Variants in PLAGL1 observed in about 807,000 individuals in gnomAD.
PLAGL1 encodes PLAG1 like zinc finger 1, also known as zinc finger protein PLAGL1.
In PLAGL1, 1 loss-of-function variant was observed where a neutral mutation model predicts 4.6. The observed-to-expected ratio is 0.22, with a 90% CI of 0.08 to 1.03. The LOEUF is 1.03. PLAGL1 is among the 50% of genes least tolerant of loss of function. PLAGL1 has a pLI of 0.58. For synonymous variants in PLAGL1, 240 were observed against 237.8 expected, an observed-to-expected ratio of 1.01 and a Z score of -0.08; for missense variants, 464 against 570.4, an observed-to-expected ratio of 0.81 and a Z score of 1.90.
In PLAGL1 at chr6:143,964,625, C is replaced by T. The variant is rs1784049945; in HGVS notation, c.-399+162G>A. 1.3e-5 allele frequency among the ~76,000 whole-genome samples: 2 copies of T among 151,492 alleles called. No homozygotes were observed. Among genetic ancestry groups the T allele is most frequent in the Admixed American group, 1.3e-4 (2 of 15,210 alleles). ...GAGCCAATCTAGTTTTCAAAAAAGG[C>T]CACCGCTTCGTTAGAGAGAGGACCA... On this transcript the variant is annotated intron_variant, in intron 5 of 7. Coordinates refer to ENST00000674357, the MANE Select transcript of PLAGL1 (RefSeq NM_001317162.2). This position sits in a 1 kb window ranked among gnomAD's most constrained non-coding sequence, Gnocchi z 4.3.
At chr6:144,046,826 C>T (rs1346806950) in intron 1 of PLAGL1, among the ~76,000 whole-genome samples, 1 of 152,216 alleles carries the variant, frequency 6.6e-6, no homozygotes, top group Non-Finnish European at 1.5e-5. Flanking sequence ...GCAGGCAGGC[C>T]TCATTGAGCT....
In PLAGL1 at chr6:144,000,765, G is replaced by GA. The variant is rs1792679772; in HGVS notation, c.-584+7324dup. On this transcript the variant is annotated intron_variant, in intron 1 of 7. Transcript: ENST00000674357. The surrounding 1 kb of genome is among the most constrained non-coding windows in gnomAD (Gnocchi z 4.1). ...AAAATCATTAGAGTTATCTTAGGAA[G>GA]ATTTGTTCAGGAAATATGGAGAGCT... Among the ~76,000 whole-genome samples, 2 of 152,102 alleles carry GA rather than the reference G, an allele frequency of 1.3e-5. No homozygotes were observed. The highest frequency in any genetic ancestry group is 4.8e-5 in the African/African-American group (2 of 41,444).
intron 1 of PLAGL1, among the ~76,000 whole-genome samples, chr6:144,040,734 G>T (rs1446402968): frequency 6.6e-6 from 1 of 151,872 alleles, no homozygotes; most frequent in Non-Finnish European, 1.5e-5. Context: ...AAAAATTTGT[G>T]TGGTAGCACA....
intron 1 of PLAGL1, among the ~76,000 whole-genome samples, chr6:144,049,220 C>T (rs1798405503): frequency 6.6e-6 from 1 of 152,208 alleles, no homozygotes; most frequent in South Asian, 2.1e-4. Flanking sequence ...GCATTTTGGT[C>T]AAAACCATTC....
chr6:144,029,364 C>A (rs959971375), intron 1 of PLAGL1, among the ~76,000 whole-genome samples: 5 of 152,140 alleles, frequency 3.3e-5, no homozygotes, highest in Non-Finnish European at 5.9e-5. Context: ...AAGACAACAA[C>A]AACCTGATGG....
At chr6:144,021,345 C>A (rs1465705395) in intron 1 of PLAGL1, among the ~76,000 whole-genome samples, 2 of 152,134 alleles carry the variant, frequency 1.3e-5, no homozygotes, top group African/African-American at 2.4e-5. Context: ...TGTTATTGGG[C>A]TAACATTAAC....
intron 1 of PLAGL1, among the ~76,000 whole-genome samples, chr6:143,996,711 A>G (rs1791701465): frequency 6.6e-6 from 1 of 151,620 alleles, no homozygotes; most frequent in Admixed American, 6.6e-5. Context: ...ACAAGGATAT[A>G]GAACTTAGAG....
rs1012480896 is a variant in PLAGL1 at position 143,962,587 on chromosome 6, T to G, written c.-398-2045A>C. On this transcript the variant is annotated intron_variant, in intron 5 of 7. Coordinates refer to ENST00000674357, the MANE Select transcript of PLAGL1 (RefSeq NM_001317162.2). This position sits in a 1 kb window ranked among gnomAD's most constrained non-coding sequence, Gnocchi z 5.3. ...GTGTATGAGTTCCAGGATGTGTTTT[T>G]GCTGTCACAATATGTTTTTCTAGGC... is the stretch of plus-strand genomic sequence containing the variant. 1.3e-5 allele frequency among the ~76,000 whole-genome samples: 2 copies of G among 152,248 alleles called. No homozygotes were observed. Among genetic ancestry groups the G allele is most frequent in the Non-Finnish European group, 2.9e-5 (2 of 68,040 alleles).
At chr6:144,020,847 A>T (rs9390151) in intron 1 of PLAGL1, among the ~76,000 whole-genome samples, 47,543 of 145,300 alleles carry the variant, frequency 0.33, 7,827 homozygotes, top group Middle Eastern at 0.38. Context: ...AATATATATA[A>T]AATATAATTA....
At chr6:144,054,778 T>A (rs9496846) in intron 1 of PLAGL1, among the ~76,000 whole-genome samples, 560 of 37,644 alleles carry the variant, frequency 0.015, 3 homozygotes, top group African/African-American at 0.072. Context: ...TAAAAAAGAG[T>A]GTGTGTGTGT....
intron 1 of PLAGL1, among the ~76,000 whole-genome samples, chr6:144,032,223 C>T (rs575708544): frequency 2.0e-4 from 30 of 150,534 alleles, no homozygotes; most frequent in Middle Eastern, 3.4e-3. Context: ...TGGGCTCAAG[C>T]GATCCTCCTG....
rs1799594217 is a variant in PLAGL1, at chr6:144,063,488, G to A, written c.-151+980C>T. ...GTGTGTTCTGAAAAGCTCTCCTGGT[G>A]CTTCTGGGAGGCGCCTCGGGTTAGG... On this transcript the variant is annotated intron_variant, in intron 1 of 3. Transcript: ENST00000437412. This position sits in a 1 kb window ranked among gnomAD's most constrained non-coding sequence, Gnocchi z 5.7. Among the ~76,000 whole-genome samples the A allele has an allele frequency of 6.6e-6, 1 of 152,198 alleles. No homozygotes were observed. The highest frequency in any genetic ancestry group is 1.5e-5 in the Non-Finnish European group (1 of 68,040).
chr6:143,977,544 G>GC (rs1786969807), intron 2 of PLAGL1, among the ~76,000 whole-genome samples: 1 of 135,782 alleles, frequency 7.4e-6, no homozygotes, highest in African/African-American at 2.8e-5. Flanking sequence ...GGCAATCTCG[G>GC]CTCACTGTAA....
In PLAGL1 at chr6:143,985,982, T is replaced by TTAGATATA. The variant is rs1789004590; in HGVS notation, c.-583-809_-583-808insTATATCTA. Among the ~76,000 whole-genome samples the TTAGATATA allele has an allele frequency of 9.0e-6, 1 of 111,576 alleles. No individual in the cohort carries two copies. The highest frequency in any genetic ancestry group is 1.8e-5 in the Non-Finnish European group (1 of 55,360). 73.2% of individuals were successfully genotyped at this position (111,576 alleles called of 152,430 possible). ...TATATCAAATTATATATATATAAAA[T>TTAGATATA]TATATATATATATATATATATATAT... is the stretch of plus-strand genomic sequence containing the variant. On this transcript the variant is annotated intron_variant, in intron 1 of 7. Coordinates refer to ENST00000674357, the MANE Select transcript of PLAGL1 (RefSeq NM_001317162.2). This position sits in a 1 kb window ranked among gnomAD's most constrained non-coding sequence, Gnocchi z 4.4.
Position 144,056,271 on chromosome 6 carries a change from A to G in PLAGL1, c.-151+8197T>C, listed in dbSNP as rs776243288. Among the ~76,000 whole-genome samples the G allele has an allele frequency of 6.6e-6, 1 of 152,098 alleles. No homozygotes were observed. Among genetic ancestry groups the G allele is most frequent in the Non-Finnish European group, 1.5e-5 (1 of 68,002 alleles). On this transcript the variant is annotated intron_variant, in intron 1 of 3. Transcript: ENST00000437412. The surrounding 1 kb of genome is among the most constrained non-coding windows in gnomAD (Gnocchi z 4.7). The stretch of plus-strand genomic sequence containing the variant: ...CCCCCACACACGCACAGCCTCCCCT[A>G]TTACCGGCATCCCCACCAGGATGGC...
At chr6:143,993,364 AC>A (rs1790940456) in intron 1 of PLAGL1, among the ~76,000 whole-genome samples, 1 of 151,788 alleles carries the variant, frequency 6.6e-6, no homozygotes, top group African/African-American at 2.4e-5. Flanking sequence ...ACACACACAC[AC>A]ACACAATTGA....
chr6:143,989,574 G>T lies in PLAGL1; in HGVS notation c.-583-4400C>A, dbSNP rs772145504. Among the ~76,000 whole-genome samples the T allele has an allele frequency of 6.6e-6, 1 of 152,188 alleles. No individual in the cohort carries two copies. Among genetic ancestry groups the T allele is most frequent in the Non-Finnish European group, 1.5e-5 (1 of 68,046 alleles). Reference sequence around the variant, plus strand: ...CCCCTGGTTCCTCTGCTTCTCAGGCGTTCAGCCTTGGACCAGAATCACACC... The same window carrying T: ...CCCCTGGTTCCTCTGCTTCTCAGGCTTTCAGCCTTGGACCAGAATCACACC... On this transcript the variant is annotated intron_variant, in intron 1 of 7. Transcript: ENST00000674357. This position sits in a 1 kb window ranked among gnomAD's most constrained non-coding sequence, Gnocchi z 4.8.
At position 144,027,248 on chromosome 6, in the gene PLAGL1, AAAG is replaced by A. The variant is rs1796425690; in HGVS notation, c.-151+37217_-151+37219del. Among the ~76,000 whole-genome samples, 1 of 133,378 alleles carries A rather than the reference AAAG, an allele frequency of 7.5e-6. No homozygotes were observed. The highest frequency in any genetic ancestry group is 2.7e-5 in the African/African-American group (1 of 37,594). The allele number at this position is 133,378 out of a possible 152,430, so 87.5% of individuals were successfully genotyped here. A position where few individuals can be genotyped will look rare whatever the true frequency, so the allele number is the denominator to read the frequency against. On this transcript the variant is annotated intron_variant, in intron 1 of 3. Transcript: ENST00000437412. This position sits in a 1 kb window ranked among gnomAD's most constrained non-coding sequence, Gnocchi z 5.8. ...CAAAGAACGAACGAAAGAAAGAAAG[AAAG>A]AAAGAAAGAAAGAAAGAAAGAAAGA...
In PLAGL1 at chr6:143,967,997, C is replaced by CAAAAAAAAA. The variant is rs60021436; in HGVS notation, c.-472+901_-472+909dup. Reference sequence around the variant, plus strand: ...CATTATGACCATCAAGGACATTTTGCAAAAAAAAAAAAAAAAAAAAACAGT... The same window carrying CAAAAAAAAA: ...CATTATGACCATCAAGGACATTTTGCAAAAAAAAAAAAAAAAAAAAAAAAAAAAAACAGT... On this transcript the variant is annotated intron_variant, in intron 3 of 7. Coordinates refer to ENST00000674357, the MANE Select transcript of PLAGL1 (RefSeq NM_001317162.2). 5 of 90,018 alleles carry CAAAAAAAAA rather than the reference C, an allele frequency of 5.6e-5. 1 individual carries two copies. The highest frequency in any genetic ancestry group is 8.0e-5 in the Non-Finnish European group (4 of 49,954). The allele number at this position is 90,018 out of a possible 1,614,324, so 5.6% of individuals were successfully genotyped here.
Sources: allele counts gnomAD v4.1 joint callset (sites outside exome capture counted in the v4.1 genomes callset), GRCh38; gene constraint gnomAD v4.1.1; non-coding constraint Gnocchi (gnomAD v3.1); transcripts MANE v1.5; gene names NCBI Gene and HGNC (gene_info 2026-07-23, HGNC 2026-07-21).